ZNF142: variants seen among roughly 807,000 people sequenced by gnomAD.
The protein encoded by ZNF142 is zinc finger protein 142.
ZNF142 carries 96 observed loss-of-function variants against 132.1 expected under a neutral mutation model. That is an observed-to-expected ratio of 0.73 (90% confidence interval 0.62 to 0.86). The LOEUF (loss-of-function observed/expected upper bound fraction) is 0.86, where lower values mean the gene tolerates loss of function less well. Ranked by LOEUF, ZNF142 falls within the 40% of genes least tolerant of loss-of-function variation. The probability of loss-of-function intolerance (pLI) is 0.00; values close to 1 mark genes in which losing one functional copy is unlikely to be tolerated. For missense variants in ZNF142, 2,163 were observed against 2,336.2 expected (o/e 0.93, Z 1.53); for synonymous variants, 842 against 890.1 (o/e 0.95, Z 0.96).
chr2:218,642,812 TG>T lies in ZNF142; in HGVS notation c.4303del (p.Gln1435ArgfsTer14). On this transcript the variant is annotated frameshift_variant, in exon 9 of 11. Transcript: ENST00000411696. LOFTEE classifies it high-confidence loss of function. This position sits in a 1 kb window ranked among gnomAD's most constrained non-coding sequence, Gnocchi z 4.6. The part of the protein sequence containing the change: ...IGRIPCSSCP[Q>X]TFGTNSKLRL... ...CAGTTTCGAGTTGGTACCAAACGTC[TG>T]GGGGCAAGAGCTGCAGGGGATGCGG... The T allele has an allele frequency of 6.2e-7, 1 of 1,614,146 alleles. No individual in the cohort carries two copies. Among genetic ancestry groups the T allele is most frequent in the Middle Eastern group, 1.6e-4 (1 of 6,062 alleles).
In ZNF142 at chr2:218,642,398, C is replaced by T. The variant is rs772227927; in HGVS notation, c.4718G>A (p.Arg1573Gln). The change falls in exon 9 of 11, where the codon CGG becomes CAG. Residue 1573 changes from arginine to glutamine, a missense_variant. Physicochemically the swap from Arg to Gln is conservative, Grantham distance 43. Transcript: ENST00000411696. This position sits in a 1 kb window ranked among gnomAD's most constrained non-coding sequence, Gnocchi z 4.6. ...GCGGTGGCTGAAATGCTGCTGCCTC[C>T]GGTGCTCATCCAGAGCCAGTCGGCT... ...FPSRLALDEH[R>Q]RQQHFSHRCQ... The T allele has an allele frequency of 2.2e-5, 36 of 1,612,788 alleles. No homozygotes were observed. Among genetic ancestry groups the T allele is most frequent in the Middle Eastern group, 1.6e-4 (1 of 6,084 alleles).
chr2:218,656,343 C>A lies in ZNF142; in HGVS notation c.87G>T (p.Pro29=). 1 of 1,585,588 alleles carries A rather than the reference C, an allele frequency of 6.3e-7. No individual in the cohort carries two copies. The highest frequency in any genetic ancestry group is 8.6e-7 in the Non-Finnish European group (1 of 1,162,860). Residue 29 remains proline, a synonymous_variant, in exon 4 of 11, where the codon CCG becomes CCT. Coordinates refer to ENST00000411696, the MANE Select transcript of ZNF142 (RefSeq NM_001379659.1). ...CCAGGATTCCACGGTTAGAGAGAGG[C>A]GGGGGGATCAGCAATAGCTCAGGGC... is the stretch of plus-strand genomic sequence containing the variant. ...GLCPELLLIP[P]PLSNRGILGP... is the part of the protein sequence containing the mutation.
chr2:218,643,936 T>C lies in ZNF142; in HGVS notation c.3180A>G (p.Gln1060=), dbSNP rs1242731528. 2 of 1,614,106 alleles carry C rather than the reference T, an allele frequency of 1.2e-6. No individual in the cohort carries two copies. Among genetic ancestry groups the C allele is most frequent in the South Asian group, 2.2e-5 (2 of 91,078 alleles). ...GGCACAGCAGGGGCTCTCGGCGGCC[T>C]TGGCACCCAGTCCTGGAGTGCAGAT... ...ALNLHSRTGC[Q]GRREPLLCPE... is the part of the protein sequence containing the mutation. Residue 1060 remains glutamine, a synonymous_variant, in exon 9 of 11, where the codon CAA becomes CAG. Coordinates refer to ENST00000411696, the MANE Select transcript of ZNF142 (RefSeq NM_001379659.1).
At position 218,643,054 on chromosome 2, in the gene ZNF142, C is replaced by T; in HGVS notation, c.4062G>A (p.Gln1354=). ...APAATALRLH[Q]KRRHPTAAPA... ...GGGCTGCAGTGGGGTGCCTCCGCTT[C>T]TGGTGGAGCCTTAAGGCAGTGGCAG... The change falls in exon 9 of 11, where the codon CAG becomes CAA. Residue 1354 remains glutamine (Q), a synonymous_variant. Coordinates refer to ENST00000411696, the MANE Select transcript of ZNF142 (RefSeq NM_001379659.1). 6.3e-7 allele frequency: 1 copy of T among 1,599,684 alleles called. No individual in the cohort carries two copies. Among genetic ancestry groups the T allele is most frequent in the Non-Finnish European group, 8.5e-7 (1 of 1,172,426 alleles).
At chr2:218,648,541 T>C in intron 7 of ZNF142, 94 bp downstream of exon 7, 1 of 1,225,896 alleles carries the variant, frequency 8.2e-7, no homozygotes, top group Non-Finnish European at 1.1e-6. Context: ...CTAGGAATTT[T>C]GGGTCAAATG....
At chr2:218,658,033 A>T (rs1029549066) in intron 3 of ZNF142, among the ~76,000 whole-genome samples, 4 of 152,082 alleles carry the variant, frequency 2.6e-5, no homozygotes, top group African/African-American at 9.7e-5. Context: ...CCTCACCTAT[A>T]ACGTAACACA....
At position 218,637,376 on chromosome 2, in the gene ZNF142, A is replaced by C. The variant is rs11903515; in HGVS notation, c.*963T>G. 0.028 allele frequency among the ~76,000 whole-genome samples: 4,204 copies of C among 152,318 alleles called. 185 individuals are homozygous for C. Among genetic ancestry groups the C allele is most frequent in the African/African-American group, 0.095 (3,940 of 41,554 alleles). The stretch of plus-strand genomic sequence containing the variant: ...AGCAGACAAAAGGTTATGTGGTCCC[A>C]GCCTTCCTGAAGAGTCTGGCTGGAA... On this transcript the variant is annotated 3_prime_UTR_variant, in exon 11 of 11. Coordinates refer to ENST00000411696, the MANE Select transcript of ZNF142 (RefSeq NM_001379659.1).
Position 218,644,515 on chromosome 2 carries a change from T to C in ZNF142, c.2601A>G (p.Arg867=). ...CATGGGGAGCCTCACTGCCCTCCTG[T>C]CTTCCAGTGTTGACCTCCTCACTCA... ...PEMSEEVNTG[R]QEGSEAPHGG... The change falls in exon 9 of 11, where the codon AGA becomes AGG. Residue 867 remains arginine, a synonymous_variant. Transcript: ENST00000411696. The surrounding 1 kb of genome is among the most constrained non-coding windows in gnomAD (Gnocchi z 4.6). The C allele has an allele frequency of 1.2e-6, 2 of 1,613,956 alleles. No homozygotes were observed. The highest frequency in any genetic ancestry group is 1.7e-6 in the Non-Finnish European group (2 of 1,180,004).
At position 218,633,581 on chromosome 2, in the gene ZNF142, C is replaced by A; in HGVS notation, c.*4758G>T. 1 of 1,609,800 alleles carries A rather than the reference C, an allele frequency of 6.2e-7. No homozygotes were observed. Among genetic ancestry groups the A allele is most frequent in the Non-Finnish European group, 8.5e-7 (1 of 1,176,176 alleles). On this transcript the variant is annotated 3_prime_UTR_variant, in exon 11 of 11. Coordinates refer to ENST00000411696, the MANE Select transcript of ZNF142 (RefSeq NM_001379659.1). ...TCTCAGACTGCTGAGGGTTCAATTC[C>A]ATCTTCTTTTCCACCTTCTCCAGAA... is the stretch of plus-strand genomic sequence containing the variant.
chr2:218,650,091 ACCTCCTGCTT>A (rs773732630), intron 6 of ZNF142, among the ~76,000 whole-genome samples: 46 of 152,142 alleles, frequency 3.0e-4, no homozygotes, highest in Non-Finnish European at 5.7e-4. Context: ...GATGAAGATC[ACCTCCTGCTT>A]CCCTGCTAGA....
chr2:218,636,750 C>A lies in ZNF142; in HGVS notation c.*1589G>T. 1.4e-6 allele frequency: 1 copy of A among 720,156 alleles called. No homozygotes were observed. The highest frequency in any genetic ancestry group is 2.4e-6 in the Non-Finnish European group (1 of 422,816). 44.6% of individuals were successfully genotyped at this position (720,156 alleles called of 1,614,324 possible). On this transcript the variant is annotated 3_prime_UTR_variant, in exon 11 of 11. Coordinates refer to ENST00000411696, the MANE Select transcript of ZNF142 (RefSeq NM_001379659.1). ...AAGCAATCTGGGACCTGATTTTCCACCTTTTTTCTCTTTTCTTCCCTTCCT... is the reference window on the plus strand; with the variant it reads ...AAGCAATCTGGGACCTGATTTTCCAACTTTTTTCTCTTTTCTTCCCTTCCT...
At position 218,634,231 on chromosome 2, in the gene ZNF142, C is replaced by T. The variant is rs1278969151; in HGVS notation, c.*4108G>A. 3 of 1,604,308 alleles carry T rather than the reference C, an allele frequency of 1.9e-6. No homozygotes were observed. Among genetic ancestry groups the T allele is most frequent in the South Asian group, 2.2e-5 (2 of 89,622 alleles). On this transcript the variant is annotated 3_prime_UTR_variant, in exon 11 of 11. Coordinates refer to ENST00000411696, the MANE Select transcript of ZNF142 (RefSeq NM_001379659.1). This position sits in a 1 kb window ranked among gnomAD's most constrained non-coding sequence, Gnocchi z 4.0. ...GCAGGCTGCCAGATGGGTGAGGAGG[C>T]AGCAGGGACTGGGAAGAGGGAGTGG...
At position 218,638,783 on chromosome 2, in the gene ZNF142, C is replaced by T. The variant is rs1696931503; in HGVS notation, c.5220G>A (p.Glu1740=). Residue 1740 remains glutamate, a synonymous_variant, in exon 11 of 11, where the codon GAG becomes GAA. Transcript: ENST00000411696. ...CAGCCCGGTTGGTGCAGTACTCACA[C>T]TCGGGACACTGGTATGGCTTCAGTC... ...HTGLKPYQCP[E]CEYCTNRADA... is the part of the protein sequence containing the mutation. 1.2e-6 allele frequency: 2 copies of T among 1,604,516 alleles called. No homozygotes were observed. The highest frequency in any genetic ancestry group is 1.7e-6 in the Non-Finnish European group (2 of 1,179,186).
Position 218,643,810 on chromosome 2 carries a change from T to C in ZNF142, c.3306A>G (p.Pro1102=), listed in dbSNP as rs562336482. ...CAGGTTGCAGAGGGATGGGTGAATC[T>C]GGTCTGGGCAAGCCCTTGTTCTTTC... ...LLRKNKGLPR[P]DSPIPLQPVL... is the part of the protein sequence containing the mutation. The change falls in exon 9 of 11, where the codon CCA becomes CCG. Residue 1102 remains proline, a synonymous_variant. Transcript: ENST00000411696. The C allele has an allele frequency of 6.2e-7, 1 of 1,611,398 alleles. No individual in the cohort carries two copies. Among genetic ancestry groups the C allele is most frequent in the South Asian group, 1.1e-5 (1 of 90,868 alleles).
At position 218,635,770 on chromosome 2, in the gene ZNF142, G is replaced by T. The variant is rs1408618919; in HGVS notation, c.*2569C>A. The T allele has an allele frequency of 1.2e-6, 2 of 1,605,844 alleles. No individual in the cohort carries two copies. The highest frequency in any genetic ancestry group is 1.7e-6 in the Non-Finnish European group (2 of 1,176,266). On this transcript the variant is annotated 3_prime_UTR_variant, in exon 11 of 11. Coordinates refer to ENST00000411696, the MANE Select transcript of ZNF142 (RefSeq NM_001379659.1). ...GTGGGGCTGGGCTGAGCAGGAACTT[G>T]TGAGATTCCAGAGCCCTGACTACAG...
Position 218,633,872 on chromosome 2 carries a change from AGGAGTT to A in ZNF142, c.*4461_*4466del. 1.5e-5 allele frequency: 20 copies of A among 1,368,960 alleles called. No homozygotes were observed. Among genetic ancestry groups the A allele is most frequent in the Non-Finnish European group, 1.8e-5 (18 of 988,530 alleles). 84.8% of individuals were successfully genotyped at this position (1,368,960 alleles called of 1,614,324 possible). A position where few individuals can be genotyped will look rare whatever the true frequency, so the allele number is the denominator to read the frequency against. The stretch of plus-strand genomic sequence containing the variant: ...AGACAAGGTAGCTAAGGAGAGATGA[AGGAGTT>A]CAGAAACTCCTTAGAGCAGACAAGG... On this transcript the variant is annotated 3_prime_UTR_variant, in exon 11 of 11. Transcript: ENST00000411696.
chr2:218,651,812 A>AGCTGCAGTG lies in ZNF142; in HGVS notation c.760_768dup (p.His254_Ser256dup). ...AAGAGTTTGACGTTGGAGCCTATGA[A>AGCTGCAGTG]GCTGCAGTGGCTGCAGTGGAAAGGG... On this transcript the variant is annotated inframe_insertion, in exon 5 of 11. Transcript: ENST00000411696. 31 of 1,289,752 alleles carry AGCTGCAGTG rather than the reference A, an allele frequency of 2.4e-5. No individual in the cohort carries two copies. Among genetic ancestry groups the AGCTGCAGTG allele is most frequent in the Non-Finnish European group, 3.1e-5 (31 of 988,894 alleles). 79.9% of individuals were successfully genotyped at this position (1,289,752 alleles called of 1,614,324 possible).
chr2:218,650,299 G>A (rs1213415881), intron 6 of ZNF142, 60 bp downstream of exon 6: 1 of 1,604,686 alleles, frequency 6.2e-7, no homozygotes, highest in African/African-American at 1.3e-5. Flanking sequence ...CTCAATGGCA[G>A]GGTTTCAACA....
rs1336019622 is a variant in ZNF142 at position 218,642,101 on chromosome 2, C to T, written c.5015G>A (p.Arg1672His). 6.2e-6 allele frequency: 10 copies of T among 1,614,056 alleles called. No homozygotes were observed. Among genetic ancestry groups the T allele is most frequent in the South Asian group, 1.1e-5 (1 of 91,092 alleles). ...GTAAGGCTTTTCCCCAGTGTGGATG[C>T]GGCTGTGCCAGGTGATCTTCTGTCG... ...KNRQKITWHSRIHTGEKPYHC... is the reference protein window; with the variant it reads ...KNRQKITWHSHIHTGEKPYHC... Residue 1672 changes from arginine to histidine, a missense_variant, in exon 9 of 11, where the codon CGC becomes CAC. Physicochemically the swap from Arg to His is conservative, Grantham distance 29 (BLOSUM62 0). Transcript: ENST00000411696. This position sits in a 1 kb window ranked among gnomAD's most constrained non-coding sequence, Gnocchi z 4.6.
Sources: gnomAD v4.1 joint callset for allele counts (sites outside exome capture counted in the v4.1 genomes callset) on GRCh38, gnomAD v4.1.1 for gene constraint, Gnocchi (gnomAD v3.1) non-coding constraint, MANE v1.5 for transcripts, NCBI Gene and HGNC (gene_info 2026-07-23, HGNC 2026-07-21) for gene names.